GRM8: variants seen among roughly 807,000 people sequenced by gnomAD.
GRM8 encodes glutamate metabotropic receptor 8.
GRM8 carries 47 observed loss-of-function variants against 87.2 expected under a neutral mutation model. The observed-to-expected ratio is 0.54, with a 90% CI of 0.43 to 0.69. GRM8 has a LOEUF of 0.69. GRM8 is among the 30% of genes least tolerant of loss of function. GRM8 has a pLI of 0.00. For missense variants in GRM8, 1,019 were observed against 1,139.2 expected, an observed-to-expected ratio of 0.89 and a Z score of 1.52; for synonymous variants, 396 against 404.5, an observed-to-expected ratio of 0.98 and a Z score of 0.25.
intron 7 of GRM8, chr7:126,701,829 TA>T: frequency 8.1e-7 from 1 of 1,231,410 alleles, no homozygotes; most frequent in Non-Finnish European, 1.1e-6. Context: ...TTCGGCAACC[TA>T]AGAAGATAAG....
intron 6 of GRM8, among the ~76,000 whole-genome samples, chr7:126,887,687 G>C (rs1800629622): frequency 6.6e-6 from 1 of 151,998 alleles, no homozygotes; most frequent in South Asian, 2.1e-4. Flanking sequence ...CAAATTGTTT[G>C]CCCATCCTCA....
intron 2 of GRM8, among the ~76,000 whole-genome samples, chr7:127,227,707 C>G (rs1378888534): frequency 2.0e-5 from 3 of 152,222 alleles, no homozygotes; most frequent in Non-Finnish European, 4.4e-5. Context: ...CTCTGACCAT[C>G]TGTAATAATA....
intron 9 of GRM8, among the ~76,000 whole-genome samples, chr7:126,453,326 C>A (rs1390924658): frequency 2.0e-5 from 3 of 151,686 alleles, no homozygotes; most frequent in Non-Finnish European, 4.4e-5. Flanking sequence ...GAGGTGGAGA[C>A]CAGTTGTCTG....
chr7:127,035,120 A>G (rs753354811), intron 3 of GRM8, among the ~76,000 whole-genome samples: 2 of 152,172 alleles, frequency 1.3e-5, no homozygotes, highest in Non-Finnish European at 2.9e-5. Context: ...ATATTTGAAA[A>G]TATTTGCAGA....
rs1431924276 is a variant in GRM8 at position 127,049,247 on chromosome 7, G to A, written c.727+57249C>T. On this transcript the variant is annotated intron_variant, in intron 3 of 10. Transcript: ENST00000339582. ...TACACATACACACACACACAGAGGA[G>A]CAACATTACTGGCAAGAATGATAAT... Among the ~76,000 whole-genome samples, 5 of 152,036 alleles carry A rather than the reference G, an allele frequency of 3.3e-5. No individual in the cohort carries two copies. The East Asian group carries it at 9.6e-4, about 29-fold the overall frequency.
At chr7:126,561,004 G>T (rs1793632533) in intron 8 of GRM8, among the ~76,000 whole-genome samples, 1 of 152,092 alleles carries the variant, frequency 6.6e-6, no homozygotes, top group African/African-American at 2.4e-5. Context: ...TCTAAGACTT[G>T]ATTAGTCAGC....
At chr7:127,003,306 A>T (rs1813909119) in intron 3 of GRM8, among the ~76,000 whole-genome samples, 3 of 151,772 alleles carry the variant, frequency 2.0e-5, no homozygotes, top group Non-Finnish European at 4.4e-5. Context: ...ATCTTAGGAA[A>T]ACATCCTGTA....
chr7:126,811,901 A>C (rs1563210205), intron 6 of GRM8, among the ~76,000 whole-genome samples: 1 of 151,910 alleles, frequency 6.6e-6, no homozygotes, highest in Non-Finnish European at 1.5e-5. Context: ...ACTATATTGA[A>C]TAGGAGTGGT....
At chr7:126,669,136 C>T (rs1057364549) in intron 7 of GRM8, among the ~76,000 whole-genome samples, 1 of 152,006 alleles carries the variant, frequency 6.6e-6, no homozygotes, top group Admixed American at 6.5e-5. Context: ...ATGGACACAG[C>T]AAGGGGAACA....
intron 3 of GRM8, among the ~76,000 whole-genome samples, chr7:127,016,331 TAA>T (rs1220098804): frequency 6.6e-6 from 1 of 151,876 alleles, no homozygotes. Flanking sequence ...CTAGATACAC[TAA>T]AAGGAGCAGA....
At chr7:126,970,954 A>G (rs957040632) in intron 3 of GRM8, among the ~76,000 whole-genome samples, 2 of 152,012 alleles carry the variant, frequency 1.3e-5, no homozygotes, top group African/African-American at 4.8e-5. Context: ...AATATATAAC[A>G]TTTTTCAATC....
intron 3 of GRM8, among the ~76,000 whole-genome samples, chr7:127,045,753 C>G (rs1265051784): frequency 6.6e-6 from 1 of 152,174 alleles, no homozygotes; most frequent in African/African-American, 2.4e-5. Context: ...TTTGTCTATC[C>G]CTGTGCTAAC....
chr7:126,707,572 G>T (rs1458515133), intron 7 of GRM8, among the ~76,000 whole-genome samples: 1 of 152,126 alleles, frequency 6.6e-6, no homozygotes, highest in South Asian at 2.1e-4. Context: ...ACGCATTAAA[G>T]GTACAGCCCC....
chr7:126,587,966 A>T (rs1156734468), intron 8 of GRM8, among the ~76,000 whole-genome samples: 3 of 152,094 alleles, frequency 2.0e-5, no homozygotes, highest in East Asian at 3.9e-4. Flanking sequence ...TGTTCTTAGT[A>T]GGGGATTTAT....
At chr7:127,018,547 C>T (rs1356091954) in intron 3 of GRM8, among the ~76,000 whole-genome samples, 1 of 151,684 alleles carries the variant, frequency 6.6e-6, no homozygotes, top group Non-Finnish European at 1.5e-5. Context: ...TACACATTCA[C>T]CAGTTCTACC....
chr7:126,778,613 T>G (rs565581682), intron 6 of GRM8, among the ~76,000 whole-genome samples: 1 of 152,256 alleles, frequency 6.6e-6, no homozygotes, highest in East Asian at 1.9e-4. Context: ...ATCATACACA[T>G]GAGAGACAAA....
At chr7:126,947,847 T>C (rs566056710) in intron 3 of GRM8, among the ~76,000 whole-genome samples, 2 of 152,292 alleles carry the variant, frequency 1.3e-5, no homozygotes, top group African/African-American at 2.4e-5. Context: ...GACTCCTTAA[T>C]ACCTCATTGT....
At chr7:126,803,080 G>A (rs1431352880) in intron 6 of GRM8, among the ~76,000 whole-genome samples, 1 of 152,144 alleles carries the variant, frequency 6.6e-6, no homozygotes, top group African/African-American at 2.4e-5. Flanking sequence ...TTATCTATTC[G>A]TAAATGAAAA....
intron 2 of GRM8, among the ~76,000 whole-genome samples, chr7:127,168,631 G>C (rs997210392): frequency 6.6e-6 from 1 of 152,114 alleles, no homozygotes; most frequent in Non-Finnish European, 1.5e-5. Context: ...ATGATAGACT[G>C]GATAAAGAAA....
Sources: gnomAD v4.1 joint callset for allele counts (sites outside exome capture counted in the v4.1 genomes callset) on GRCh38, gnomAD v4.1.1 for gene constraint, MANE v1.5 for transcripts, NCBI Gene and HGNC (gene_info 2026-07-23, HGNC 2026-07-21) for gene names.